The following ATG10 variants were observed in gnomAD, a reference collection of about 807,000 sequenced individuals.
ATG10 encodes the protein autophagy related 10, also known as ubiquitin-like-conjugating enzyme ATG10.
Under a neutral mutation model 32.1 loss-of-function variants are expected in ATG10, and 30 were observed. The observed-to-expected ratio is 0.94, with a 90% CI of 0.70 to 1.27. The LOEUF is 1.27. ATG10 is among the 50% of genes most tolerant of loss of function. The pLI, the probability that ATG10 is intolerant of heterozygous loss-of-function variation, is 0.00. For missense variants in ATG10, 233 were observed against 262.3 expected (o/e 0.89, Z 0.77); for synonymous variants, 87 against 91.5 (o/e 0.95, Z 0.28).
chr5:82,226,475 C>T (rs2149999626), intron 5 of ATG10, among the ~76,000 whole-genome samples: 1 of 152,154 alleles, frequency 6.6e-6, no homozygotes, highest in South Asian at 2.1e-4. Context: ...TTCAAACAAT[C>T]CTATTACCAA....
chr5:82,083,575 C>T lies in ATG10; in HGVS notation c.216+24973C>T, dbSNP rs79581221. ...CCCTGAGTAGCCTAACTGGGAGACA[C>T]CTCCCAGTAGGGGCCAACTGACCCC... is the stretch of plus-strand genomic sequence containing the variant. On this transcript the variant is annotated intron_variant, in intron 3 of 7. Coordinates refer to ENST00000282185, the MANE Select transcript of ATG10 (RefSeq NM_031482.5). Among the ~76,000 whole-genome samples the T allele has an allele frequency of 8.1e-3, 1,240 of 152,288 alleles. 9 individuals carry two copies. Among genetic ancestry groups the T allele is most frequent in the Non-Finnish European group, 0.012 (798 of 68,008 alleles).
intron 5 of ATG10, among the ~76,000 whole-genome samples, chr5:82,229,840 A>AG (rs572435200): frequency 1.3e-5 from 2 of 152,152 alleles, no homozygotes; most frequent in African/African-American, 2.4e-5. Context: ...GCAGGGAGGT[A>AG]GGGGGGTCCT....
intron 5 of ATG10, among the ~76,000 whole-genome samples, chr5:82,187,364 AGC>A (rs1744489912): frequency 4.6e-5 from 7 of 151,548 alleles, no homozygotes; most frequent in African/African-American, 1.5e-4. Flanking sequence ...TACAAAAATT[AGC>A]CAGGTGTGGT....
intron 1 of ATG10, among the ~76,000 whole-genome samples, chr5:81,982,174 T>C (rs1761067525): frequency 6.6e-6 from 1 of 152,206 alleles, no homozygotes. Context: ...ATTAACAACT[T>C]ATGCCAGGCG....
chr5:82,237,410 A>C (rs1325175037), intron 5 of ATG10, among the ~76,000 whole-genome samples: 3 of 152,062 alleles, frequency 2.0e-5, no homozygotes, highest in African/African-American at 7.2e-5. Context: ...TTGGGAGGCC[A>C]AGGCAGGCGG....
intron 2 of ATG10, among the ~76,000 whole-genome samples, chr5:82,051,528 A>G (rs968656056): frequency 9.9e-5 from 15 of 152,168 alleles, no homozygotes; most frequent in African/African-American, 3.6e-4. Context: ...TTTTTGTCTA[A>G]ATGAGCCAGA....
intron 3 of ATG10, among the ~76,000 whole-genome samples, chr5:82,059,003 C>T (rs1472556697): frequency 6.6e-6 from 1 of 152,028 alleles, no homozygotes. Context: ...AAGTAAAATT[C>T]CCTGAATATA....
chr5:82,219,503 A>T (rs570798674), intron 5 of ATG10, among the ~76,000 whole-genome samples: 1 of 152,332 alleles, frequency 6.6e-6, no homozygotes, highest in South Asian at 2.1e-4. Flanking sequence ...TAACCCAAAT[A>T]GTCCTCTCAT....
rs532397798 is a variant in ATG10, at chr5:82,034,183, A to C, written c.109-24312A>C. Among the ~76,000 whole-genome samples the C allele has an allele frequency of 9.2e-5, 14 of 152,066 alleles. No individual in the cohort carries two copies. In the East Asian group the frequency reaches 2.5e-3, roughly 27 times the overall value. On this transcript the variant is annotated intron_variant, in intron 2 of 7. Transcript: ENST00000282185. ...TTGACATTCCATTTGAATGTCTGCC[A>C]GTCATCACAAATTTAACTCATTTTT...
intron 2 of ATG10, among the ~76,000 whole-genome samples, chr5:82,005,354 GC>G (rs1761962821): frequency 6.6e-6 from 1 of 152,156 alleles, no homozygotes; most frequent in African/African-American, 2.4e-5. Context: ...GAGTGCAGTG[GC>G]ACTGTGTCGG....
At chr5:82,120,035 C>G (rs558178830) in intron 3 of ATG10, among the ~76,000 whole-genome samples, 2 of 150,698 alleles carry the variant, frequency 1.3e-5, no homozygotes, top group Admixed American at 1.3e-4. Flanking sequence ...CGCACATACC[C>G]GTGAAGATCT....
Position 82,216,015 on chromosome 5 carries a change from G to T in ATG10, c.454-36547G>T, listed in dbSNP as rs368808612. Reference sequence around the variant, plus strand: ...AATTCAAAGACCCAAATACAAGGGAGTGTATTGCAGCAGGCTTAATCAATG... The same window carrying T: ...AATTCAAAGACCCAAATACAAGGGATTGTATTGCAGCAGGCTTAATCAATG... On this transcript the variant is annotated intron_variant, in intron 5 of 7. Transcript: ENST00000282185. Among the ~76,000 whole-genome samples, 33 of 152,244 alleles carry T rather than the reference G, an allele frequency of 2.2e-4. No individual in the cohort carries two copies. The East Asian group carries it at 5.6e-3, about 26-fold the overall frequency.
At chr5:82,065,510 A>G (rs558538279) in intron 3 of ATG10, among the ~76,000 whole-genome samples, 2 of 152,102 alleles carry the variant, frequency 1.3e-5, no homozygotes, top group Admixed American at 1.3e-4. Flanking sequence ...AAAAATATAA[A>G]TGAATAATTT....
intron 3 of ATG10, among the ~76,000 whole-genome samples, chr5:82,078,230 A>G (rs917763758): frequency 3.9e-5 from 6 of 152,164 alleles, no homozygotes; most frequent in African/African-American, 1.4e-4. Flanking sequence ...AAAGGCTTTT[A>G]GTACACATTT....
intron 3 of ATG10, among the ~76,000 whole-genome samples, chr5:82,061,716 T>C (rs1478466140): frequency 6.8e-6 from 1 of 147,978 alleles, no homozygotes; most frequent in Non-Finnish European, 1.5e-5. Flanking sequence ...TGTAATATAG[T>C]ATATTATAAA....
intron 5 of ATG10, among the ~76,000 whole-genome samples, chr5:82,228,386 A>G (rs899694759): frequency 2.0e-5 from 3 of 152,224 alleles, no homozygotes; most frequent in Non-Finnish European, 4.4e-5. Flanking sequence ...TCAATCAGAC[A>G]TCTAAGTTAA....
At chr5:82,215,330 A>G (rs1386141020) in intron 5 of ATG10, among the ~76,000 whole-genome samples, 1 of 152,216 alleles carries the variant, frequency 6.6e-6, no homozygotes, top group Non-Finnish European at 1.5e-5. Flanking sequence ...GGTAGACATA[A>G]CAACCTTTTG....
intron 3 of ATG10, among the ~76,000 whole-genome samples, chr5:82,123,899 G>A (rs1394801532): frequency 6.6e-6 from 1 of 151,912 alleles, no homozygotes; most frequent in African/African-American, 2.4e-5. Flanking sequence ...TTGCACCACT[G>A]CACTCCAGCC....
At chr5:82,143,301 A>G (rs567795782) in intron 3 of ATG10, among the ~76,000 whole-genome samples, 2 of 152,340 alleles carry the variant, frequency 1.3e-5, no homozygotes, top group African/African-American at 4.8e-5. Context: ...GATGAGTGAA[A>G]CTCAGTATAG....
Sources: allele counts gnomAD v4.1 joint callset (sites outside exome capture counted in the v4.1 genomes callset), GRCh38; gene constraint gnomAD v4.1.1; transcripts MANE v1.5; gene names NCBI Gene and HGNC (gene_info 2026-07-23, HGNC 2026-07-21).